The following DNM3 variants were observed in gnomAD, a reference collection of about 807,000 sequenced individuals.
The protein encoded by DNM3 is dynamin 3.
Under a neutral mutation model 101.6 loss-of-function variants are expected in DNM3, and 47 were observed. The ratio of observed to expected loss-of-function variants is 0.46; its 90% CI spans 0.37 to 0.59. The LOEUF is 0.59. DNM3 is among the 20% of genes least tolerant of loss of function. The probability of loss-of-function intolerance (pLI) is 0.00; values close to 1 mark genes in which losing one functional copy is unlikely to be tolerated. For missense variants in DNM3, 849 were observed against 1,085.7 expected (o/e 0.78, Z 3.06); for synonymous variants, 385 against 387.9 (o/e 0.99, Z 0.09).
intron 14 of DNM3, among the ~76,000 whole-genome samples, chr1:172,229,934 A>G (rs1192941785): frequency 6.6e-6 from 1 of 152,130 alleles, no homozygotes; most frequent in Non-Finnish European, 1.5e-5. Flanking sequence ...GTGTATTGAC[A>G]TAGAAGTTCA....
intron 14 of DNM3, among the ~76,000 whole-genome samples, chr1:172,234,838 C>G (rs1451091174): frequency 1.3e-5 from 2 of 152,088 alleles, no homozygotes; most frequent in Non-Finnish European, 2.9e-5. Flanking sequence ...ACACCTTATA[C>G]AAAAATTAAT....
intron 1 of DNM3, among the ~76,000 whole-genome samples, chr1:171,875,491 T>G (rs1372793864): frequency 2.0e-5 from 3 of 152,184 alleles, no homozygotes; most frequent in Non-Finnish European, 2.9e-5. Flanking sequence ...AAATGACACA[T>G]AAGTTAGATT....
chr1:171,878,521 T>C (rs1282482878), intron 1 of DNM3, among the ~76,000 whole-genome samples: 2 of 152,190 alleles, frequency 1.3e-5, no homozygotes, highest in Non-Finnish European at 2.9e-5. Flanking sequence ...TCTGCTGGAC[T>C]ACCTCTGTTT....
intron 14 of DNM3, among the ~76,000 whole-genome samples, chr1:172,239,194 T>A (rs1391499840): frequency 1.3e-5 from 2 of 152,196 alleles, no homozygotes; most frequent in Non-Finnish European, 2.9e-5. Context: ...CTTCACACCC[T>A]CCTGGTTTGC....
At chr1:171,954,649 T>G (rs1558321065) in intron 2 of DNM3, among the ~76,000 whole-genome samples, 1 of 152,178 alleles carries the variant, frequency 6.6e-6, no homozygotes, top group African/African-American at 2.4e-5. Context: ...CACCTTCCAT[T>G]TCAATTTAGC....
At chr1:172,144,491 TCTC>T (rs1477064811) in intron 14 of DNM3, 3 of 409,914 alleles carry the variant, frequency 7.3e-6, no homozygotes, top group African/African-American at 6.4e-5. Context: ...ACAAATGTCT[TCTC>T]CTTGGAAACA....
intron 20 of DNM3, among the ~76,000 whole-genome samples, chr1:172,402,342 G>A (rs1214485446): frequency 6.6e-6 from 1 of 152,066 alleles, no homozygotes; most frequent in Non-Finnish European, 1.5e-5. Context: ...GTGGCCCTTG[G>A]AAACCTGGGA....
Position 172,099,106 on chromosome 1 carries a change from G to A in DNM3, c.1545+6231G>A, listed in dbSNP as rs569330097. On this transcript the variant is annotated intron_variant, in intron 13 of 20. Coordinates refer to ENST00000627582, the MANE Select transcript of DNM3 (RefSeq NM_015569.5). Reference sequence around the variant, plus strand: ...GGCAGCATGGAAGGTCAAGAGAGAAGATGAGTTAGAGTTTTTAAGAGAGAC... The same window carrying A: ...GGCAGCATGGAAGGTCAAGAGAGAAAATGAGTTAGAGTTTTTAAGAGAGAC... 7.2e-5 allele frequency among the ~76,000 whole-genome samples: 11 copies of A among 152,336 alleles called. No individual in the cohort carries two copies. In the South Asian group the frequency reaches 1.0e-3, roughly 14 times the overall value.
rs563758081 is a variant in DNM3, at chr1:172,033,349, AT to A, written c.849+93del. ...ATTCATATTTATTATTTTTAAGTTT[AT>A]TTTTTTTTCCAAAACAAGACATGCA... On this transcript the variant is annotated intron_variant, in intron 6 of 20. Coordinates refer to ENST00000627582, the MANE Select transcript of DNM3 (RefSeq NM_015569.5). 8,523 of 1,392,182 alleles carry A rather than the reference AT, an allele frequency of 6.1e-3. 44 individuals carry two copies. Among genetic ancestry groups the A allele is most frequent in the African/African-American group, 0.015 (1,037 of 67,986 alleles). 86.2% of individuals were successfully genotyped at this position (1,392,182 alleles called of 1,614,324 possible). A position where few individuals can be genotyped will look rare whatever the true frequency, so the allele number is the denominator to read the frequency against.
chr1:171,855,950 G>A (rs935328258), intron 1 of DNM3, among the ~76,000 whole-genome samples: 23 of 152,150 alleles, frequency 1.5e-4, no homozygotes, highest in Non-Finnish European at 5.9e-5. Context: ...CCATTCCTAC[G>A]TCTCAGATGG....
At chr1:171,903,075 A>C (rs1388916004) in intron 1 of DNM3, among the ~76,000 whole-genome samples, 1 of 152,056 alleles carries the variant, frequency 6.6e-6, no homozygotes, top group Non-Finnish European at 1.5e-5. Context: ...GGATTGCTTG[A>C]GCCCAGGAGG....
rs114211371 is a variant in DNM3 at position 171,967,274 on chromosome 1, G to T, written c.236-20382G>T. Among the ~76,000 whole-genome samples the T allele has an allele frequency of 2.4e-3, 364 of 152,222 alleles. 7 individuals carry two copies. The highest frequency in any genetic ancestry group is 7.9e-3 in the African/African-American group (327 of 41,548). On this transcript the variant is annotated intron_variant, in intron 2 of 20. Coordinates refer to ENST00000627582, the MANE Select transcript of DNM3 (RefSeq NM_015569.5). Reference sequence around the variant, plus strand: ...TTTCATGAAGATGTGACTTGGTATGGTGAAGTGAGCTCTGGACCAGTGGTG... The same window carrying T: ...TTTCATGAAGATGTGACTTGGTATGTTGAAGTGAGCTCTGGACCAGTGGTG...
At chr1:171,966,587 G>A (rs113458476) in intron 2 of DNM3, among the ~76,000 whole-genome samples, 118 of 152,354 alleles carry the variant, frequency 7.7e-4, no homozygotes, top group Middle Eastern at 3.4e-3. Context: ...TCCCTTTGAA[G>A]TGGGAAGGTG....
intron 14 of DNM3, among the ~76,000 whole-genome samples, chr1:172,246,222 G>A (rs1419225380): frequency 6.6e-6 from 1 of 152,142 alleles, no homozygotes; most frequent in Non-Finnish European, 1.5e-5. Context: ...TGGGGAGACA[G>A]AGCCAAACCC....
At chr1:172,100,736 G>A (rs1027635450) in intron 13 of DNM3, among the ~76,000 whole-genome samples, 9 of 152,068 alleles carry the variant, frequency 5.9e-5, no homozygotes, top group South Asian at 2.1e-4. Context: ...GGATAGAATC[G>A]AGCACTATTT....
chr1:172,377,906 C>G (rs141858235), intron 17 of DNM3, among the ~76,000 whole-genome samples: 231 of 151,978 alleles, frequency 1.5e-3, no homozygotes, highest in African/African-American at 5.2e-3. Context: ...GCTTTTCACA[C>G]AAGCATATTG....
At chr1:172,111,619 T>C (rs183704467) in intron 13 of DNM3, among the ~76,000 whole-genome samples, 2 of 152,314 alleles carry the variant, frequency 1.3e-5, no homozygotes, top group South Asian at 2.1e-4. Context: ...CCAGAAAGTC[T>C]ATGCTTTGAA....
At chr1:172,236,491 A>G (rs1036537540) in intron 14 of DNM3, among the ~76,000 whole-genome samples, 2 of 152,138 alleles carry the variant, frequency 1.3e-5, no homozygotes, top group African/African-American at 4.8e-5. Context: ...TAAGAAAAGA[A>G]TCTGCGATTT....
chr1:172,146,029 C>T (rs1201552541), intron 14 of DNM3, among the ~76,000 whole-genome samples: 1 of 152,124 alleles, frequency 6.6e-6, no homozygotes, highest in Admixed American at 6.6e-5. Flanking sequence ...CAAACAAGAG[C>T]TTGATTAATT....
Sources: gnomAD v4.1 joint callset for allele counts (sites outside exome capture counted in the v4.1 genomes callset) on GRCh38, gnomAD v4.1.1 for gene constraint, MANE v1.5 for transcripts, NCBI Gene and HGNC (gene_info 2026-07-23, HGNC 2026-07-21) for gene names.